The following GALM variants were observed in gnomAD, a reference collection of about 807,000 sequenced individuals.
GALM encodes galactose mutarotase, also known as aldose 1-epimerase.
GALM carries 43 observed loss-of-function variants against 37.4 expected under a neutral mutation model. That is an observed-to-expected ratio of 1.15 (90% confidence interval 0.90 to 1.48). GALM has a LOEUF of 1.48. Among genes scored for constraint, GALM ranks in the 40% most tolerant of loss-of-function variants. The probability of loss-of-function intolerance (pLI) is 0.00; values close to 1 mark genes in which losing one functional copy is unlikely to be tolerated. For missense variants in GALM, 456 were observed against 419.1 expected (o/e 1.09, Z -0.77); for synonymous variants, 199 against 170.6 (o/e 1.17, Z -1.30).
chr2:38,673,214 C>T (rs949525640), intron 1 of GALM, among the ~76,000 whole-genome samples: 1 of 152,174 alleles, frequency 6.6e-6, no homozygotes, highest in Non-Finnish European at 1.5e-5. Context: ...TCCTGAGAGC[C>T]TCTCCATCCC....
intron 4 of GALM, among the ~76,000 whole-genome samples, chr2:38,697,738 T>C (rs1399506331): frequency 1.3e-5 from 2 of 152,148 alleles, no homozygotes; most frequent in Non-Finnish European, 2.9e-5. Flanking sequence ...AACCCACTTA[T>C]GGATGGGGCA....
At chr2:38,711,184 G>A (rs970886702) in intron 4 of GALM, among the ~76,000 whole-genome samples, 1 of 146,428 alleles carries the variant, frequency 6.8e-6, no homozygotes, top group Non-Finnish European at 1.5e-5. Context: ...TTTTGAGACG[G>A]AGTCTCGCTC....
intron 4 of GALM, among the ~76,000 whole-genome samples, chr2:38,711,123 A>G (rs1429662988): frequency 1.3e-5 from 2 of 150,758 alleles, no homozygotes; most frequent in African/African-American, 2.4e-5. Context: ...CATGCTGCAA[A>G]AAGTAGCTTG....
chr2:38,716,260 G>C lies in GALM; in HGVS notation c.635-13296G>C, dbSNP rs145212620. Among the ~76,000 whole-genome samples, 298 of 151,446 alleles carry C rather than the reference G, an allele frequency of 2.0e-3. 1 individual carries two copies. Among genetic ancestry groups the C allele is most frequent in the African/African-American group, 6.8e-3 (276 of 40,712 alleles). On this transcript the variant is annotated intron_variant, in intron 4 of 6. Coordinates refer to ENST00000272252, the MANE Select transcript of GALM (RefSeq NM_138801.3). ...AGACCAGCTTCTGCGCCTTTCGCGTGTCAGATTGTTGTGTACGTGTTCAAG... is the reference window on the plus strand; with the variant it reads ...AGACCAGCTTCTGCGCCTTTCGCGTCTCAGATTGTTGTGTACGTGTTCAAG...
intron 4 of GALM, among the ~76,000 whole-genome samples, chr2:38,697,831 G>A (rs73930943): frequency 0.021 from 3,222 of 152,178 alleles, 127 homozygotes; most frequent in East Asian, 0.17. Context: ...ATTCCCTTAC[G>A]TCTTCAATGC....
At chr2:38,677,681 C>G (rs940178056) in intron 2 of GALM, among the ~76,000 whole-genome samples, 2 of 152,192 alleles carry the variant, frequency 1.3e-5, no homozygotes, top group Non-Finnish European at 1.5e-5. Flanking sequence ...ATATTCCCTT[C>G]AAGAACACAG....
intron 4 of GALM, among the ~76,000 whole-genome samples, chr2:38,713,919 A>G (rs900901531): frequency 1.6e-4 from 24 of 151,820 alleles, no homozygotes; most frequent in Non-Finnish European, 2.9e-5. Flanking sequence ...AAAAAAAAAA[A>G]AATTTACCAG....
At chr2:38,705,974 A>C (rs944779472) in intron 4 of GALM, among the ~76,000 whole-genome samples, 1 of 151,840 alleles carries the variant, frequency 6.6e-6, no homozygotes, top group Non-Finnish European at 1.5e-5. Flanking sequence ...CAGCCTCCCG[A>C]GTAGCAGGGA....
At chr2:38,673,654 C>G (rs1665168462) in intron 1 of GALM, among the ~76,000 whole-genome samples, 1 of 151,872 alleles carries the variant, frequency 6.6e-6, no homozygotes, top group Middle Eastern at 3.4e-3. Context: ...ACTAAAAATA[C>G]AAAAAATAAG....
intron 4 of GALM, among the ~76,000 whole-genome samples, chr2:38,691,083 G>T (rs72895790): frequency 0.013 from 1,934 of 152,296 alleles, 38 homozygotes; most frequent in African/African-American, 0.045. Flanking sequence ...CAGAATTACT[G>T]CAGTAGAACT....
intron 1 of GALM, chr2:38,668,721 G>A (rs976069672): frequency 2.0e-5 from 3 of 151,830 alleles, no homozygotes; most frequent in African/African-American, 7.3e-5. Context: ...TTGAGGCCAG[G>A]AGTTTGAGAC....
chr2:38,729,106 A>G (rs1294146879), intron 4 of GALM, among the ~76,000 whole-genome samples: 1 of 152,112 alleles, frequency 6.6e-6, no homozygotes, highest in Admixed American at 6.6e-5. Context: ...CTTCTATAAA[A>G]TGGTGCAGTA....
chr2:38,698,420 A>G (rs983491632), intron 4 of GALM: 18 of 1,303,614 alleles, frequency 1.4e-5, no homozygotes, highest in Admixed American at 2.3e-5. Context: ...CCCATGGACC[A>G]GGAGCAAAGT....
chr2:38,701,904 A>G (rs1220615264), intron 4 of GALM, among the ~76,000 whole-genome samples: 1 of 152,130 alleles, frequency 6.6e-6, no homozygotes. Context: ...TATTGGACAT[A>G]TTTGTTTCAA....
chr2:38,729,128 C>G (rs1666544279), intron 4 of GALM, among the ~76,000 whole-genome samples: 1 of 152,178 alleles, frequency 6.6e-6, no homozygotes, highest in Non-Finnish European at 1.5e-5. Context: ...TTGCATATAA[C>G]CTGAGCCCAT....
chr2:38,666,114 G>C lies in GALM; in HGVS notation c.-48G>C. 1 of 1,540,794 alleles carries C rather than the reference G, an allele frequency of 6.5e-7. No homozygotes were observed. ...TTGGGTCGCCTCTAGCTTAGCGAGCGCTGGAGTTTGAAGAGCGGGCAGTGG... is the reference window on the plus strand; with the variant it reads ...TTGGGTCGCCTCTAGCTTAGCGAGCCCTGGAGTTTGAAGAGCGGGCAGTGG... On this transcript the variant is annotated 5_prime_UTR_variant, in exon 1 of 7. Coordinates refer to ENST00000272252, the MANE Select transcript of GALM (RefSeq NM_138801.3).
intron 1 of GALM, among the ~76,000 whole-genome samples, chr2:38,675,528 TTTTTTTTTTTTTTTTTG>T (rs1665227579): frequency 4.5e-5 from 3 of 67,258 alleles, no homozygotes; most frequent in African/African-American, 2.0e-4. Context: ...GTTTTTTTGT[TTTTTTTTTTTTTTTTTG>T]TGTGTGTGTG....
intron 4 of GALM, among the ~76,000 whole-genome samples, chr2:38,707,818 A>T (rs985323587): frequency 6.6e-6 from 1 of 151,990 alleles, no homozygotes; most frequent in African/African-American, 2.4e-5. Flanking sequence ...AAAAATATAA[A>T]AATTAGCAGC....
intron 1 of GALM, among the ~76,000 whole-genome samples, chr2:38,670,625 ATG>A (rs1277141368): frequency 3.9e-5 from 6 of 152,212 alleles, no homozygotes; most frequent in African/African-American, 7.2e-5. Context: ...GGGCTGTGAT[ATG>A]TGTCTAACCA....
Sources: allele counts gnomAD v4.1 joint callset (sites outside exome capture counted in the v4.1 genomes callset), GRCh38; gene constraint gnomAD v4.1.1; transcripts MANE v1.5; gene names NCBI Gene and HGNC (gene_info 2026-07-23, HGNC 2026-07-21).